The following TSHZ2 variants were observed in gnomAD, a reference collection of about 807,000 sequenced individuals.
The protein encoded by TSHZ2 is teashirt zinc finger homeobox 2.
A neutral mutation model predicts 74.4 loss-of-function variants in TSHZ2; 21 were observed. The observed-to-expected ratio is 0.28, with a 90% CI of 0.20 to 0.41. The LOEUF is 0.41. TSHZ2 is among the 10% of genes least tolerant of loss of function. The probability of loss-of-function intolerance (pLI) is 1.00; values close to 1 mark genes in which losing one functional copy is unlikely to be tolerated. For missense variants in TSHZ2, 1,244 were observed against 1,293.5 expected (o/e 0.96, Z 0.59); for synonymous variants, 540 against 515.3 (o/e 1.05, Z -0.65).
At chr20:53,339,280 G>C (rs372398068) in intron 2 of TSHZ2, among the ~76,000 whole-genome samples, 12 of 152,292 alleles carry the variant, frequency 7.9e-5, no homozygotes, top group African/African-American at 2.9e-4. Context: ...GCCCTATGCA[G>C]GGAGTGGTGG....
chr20:53,044,140 T>G (rs1306063894), intron 1 of TSHZ2, among the ~76,000 whole-genome samples: 2 of 152,228 alleles, frequency 1.3e-5, no homozygotes, highest in African/African-American at 2.4e-5. Flanking sequence ...TTTCTGATTT[T>G]GGATTGTTTC....
chr20:53,156,246 CA>C (rs1278854954), intron 1 of TSHZ2, among the ~76,000 whole-genome samples: 1 of 152,126 alleles, frequency 6.6e-6, no homozygotes, highest in African/African-American at 2.4e-5. Context: ...TGAAGAGGGT[CA>C]GTGAATTTTA....
At chr20:53,206,756 C>G (rs1203053148) in intron 1 of TSHZ2, among the ~76,000 whole-genome samples, 1 of 152,192 alleles carries the variant, frequency 6.6e-6, no homozygotes, top group East Asian at 1.9e-4. Context: ...GAAATCTCTT[C>G]CACTCCAGCT....
At chr20:53,214,385 A>G (rs528262611) in intron 1 of TSHZ2, among the ~76,000 whole-genome samples, 4 of 152,286 alleles carry the variant, frequency 2.6e-5, no homozygotes, top group African/African-American at 9.6e-5. Flanking sequence ...AGGAAAGTGC[A>G]CTTTCCTAAG....
At chr20:53,306,232 A>G (rs1452582476) in intron 2 of TSHZ2, among the ~76,000 whole-genome samples, 2 of 152,132 alleles carry the variant, frequency 1.3e-5, no homozygotes, top group Non-Finnish European at 2.9e-5. Context: ...CACCCAGCTC[A>G]TCTGCTCTTC....
chr20:53,255,307 GAA>G lies in TSHZ2; in HGVS notation c.1851_1852del (p.His620ArgfsTer10). The G allele has an allele frequency of 6.2e-7, 1 of 1,614,156 alleles. No homozygotes were observed. The highest frequency in any genetic ancestry group is 8.5e-7 in the Non-Finnish European group (1 of 1,180,008). ...KDEAVKECGK[E>X]SPHEEASSFS... ...TGAAGCGGTGAAGGAGTGTGGGAAAGAAAGTCCCCACGAAGAGGCCTCATCTT... is the reference window on the plus strand; with the variant it reads ...TGAAGCGGTGAAGGAGTGTGGGAAAGAGTCCCCACGAAGAGGCCTCATCTT... On this transcript the variant is annotated frameshift_variant, in exon 2 of 3. Coordinates refer to ENST00000371497, the MANE Select transcript of TSHZ2 (RefSeq NM_173485.6). LOFTEE classifies it high-confidence loss of function. The surrounding 1 kb of genome is among the most constrained non-coding windows in gnomAD (Gnocchi z 4.1).
chr20:53,103,957 A>G lies in TSHZ2; in HGVS notation c.40+130624A>G, dbSNP rs572973506. Among the ~76,000 whole-genome samples, 5 of 152,338 alleles carry G rather than the reference A, an allele frequency of 3.3e-5. No homozygotes were observed. In the East Asian group the frequency reaches 7.7e-4, roughly 23 times the overall value. The stretch of plus-strand genomic sequence containing the variant: ...ATTTTTAATGTTATGTCAGAGCCCA[A>G]TTGATCTGATGGACTTTTAATGACT... On this transcript the variant is annotated intron_variant, in intron 1 of 2. Coordinates refer to ENST00000371497, the MANE Select transcript of TSHZ2 (RefSeq NM_173485.6).
At chr20:53,454,661 A>G (rs1984977112) in intron 2 of TSHZ2, among the ~76,000 whole-genome samples, 1 of 152,088 alleles carries the variant, frequency 6.6e-6, no homozygotes, top group Non-Finnish European at 1.5e-5. Context: ...ACTCCCTCAG[A>G]GAGGGCTCCC....
intron 2 of TSHZ2, among the ~76,000 whole-genome samples, chr20:53,449,964 C>T (rs1984709150): frequency 6.6e-6 from 1 of 152,236 alleles, no homozygotes; most frequent in South Asian, 2.1e-4. Context: ...TCAGAGACCA[C>T]ATCTAGCTAA....
rs778792026 is a variant in TSHZ2, at chr20:53,256,286, G to A, written c.2828G>A (p.Ser943Asn). 1.2e-6 allele frequency: 2 copies of A among 1,614,120 alleles called. No individual in the cohort carries two copies. The highest frequency in any genetic ancestry group is 3.3e-5 in the Admixed American group (2 of 60,016). The change falls in exon 2 of 3, where the codon AGT becomes AAT. Residue 943 changes from serine to asparagine, a missense_variant. This residue lies in a region of TSHZ2 where 185 missense variants were observed against 213.3 expected (regional missense o/e 0.87). Transcript: ENST00000371497. The surrounding 1 kb of genome is among the most constrained non-coding windows in gnomAD (Gnocchi z 4.3). The stretch of plus-strand genomic sequence containing the variant: ...TTCAGAACCCCTTCTACCTACATCA[G>A]TCACTTAGAATCTCACCTGGGTTTC... ...SQFRTPSTYISHLESHLGFQM... is the reference protein window; with the variant it reads ...SQFRTPSTYINHLESHLGFQM...
intron 1 of TSHZ2, among the ~76,000 whole-genome samples, chr20:53,019,982 A>G (rs1475188731): frequency 1.3e-5 from 2 of 152,148 alleles, no homozygotes; most frequent in South Asian, 2.1e-4. Flanking sequence ...GAAACTTACA[A>G]TCATGGTGGA....
chr20:53,316,922 A>T (rs1350362741), intron 2 of TSHZ2, among the ~76,000 whole-genome samples: 3 of 151,940 alleles, frequency 2.0e-5, no homozygotes, highest in Non-Finnish European at 4.4e-5. Flanking sequence ...ATTTTTTTTT[A>T]ATAACACCCT....
At chr20:53,175,171 T>C (rs13042352) in intron 1 of TSHZ2, among the ~76,000 whole-genome samples, 23,054 of 142,244 alleles carry the variant, frequency 0.16, 2,905 homozygotes, top group Non-Finnish European at 0.25. Flanking sequence ...AACGGAGTTT[T>C]GCTCTTGTTG....
intron 1 of TSHZ2, among the ~76,000 whole-genome samples, chr20:53,002,417 C>A (rs564346239): frequency 6.6e-6 from 1 of 152,250 alleles, no homozygotes; most frequent in Non-Finnish European, 1.5e-5. Flanking sequence ...CATACATTAT[C>A]TTTTTTTCAT....
At chr20:52,974,471 T>A (rs760126855) in intron 1 of TSHZ2, among the ~76,000 whole-genome samples, 13 of 152,304 alleles carry the variant, frequency 8.5e-5, no homozygotes, top group Non-Finnish European at 1.8e-4. Context: ...TGTCCTTTAG[T>A]TGAATCAGGG....
intron 2 of TSHZ2, among the ~76,000 whole-genome samples, chr20:53,280,103 A>G (rs778724415): frequency 9.4e-4 from 143 of 152,060 alleles, no homozygotes; most frequent in Non-Finnish European, 1.5e-3. Flanking sequence ...GGCATTTTTG[A>G]AGATGACTCT....
intron 1 of TSHZ2, among the ~76,000 whole-genome samples, chr20:53,045,578 A>C (rs1984198806): frequency 6.6e-6 from 1 of 152,206 alleles, no homozygotes; most frequent in Non-Finnish European, 1.5e-5. Context: ...CATTCACCTA[A>C]GGAATCAGCT....
At chr20:53,391,457 T>C (rs1982254300) in intron 2 of TSHZ2, among the ~76,000 whole-genome samples, 1 of 151,878 alleles carries the variant, frequency 6.6e-6, no homozygotes, top group Admixed American at 6.6e-5. Flanking sequence ...TTTTTTTGTT[T>C]GTTTGTTTGT....
intron 2 of TSHZ2, among the ~76,000 whole-genome samples, chr20:53,325,311 A>C (rs1808323099): frequency 6.6e-6 from 1 of 152,188 alleles, no homozygotes; most frequent in African/African-American, 2.4e-5. Flanking sequence ...GTATTGATTT[A>C]ACAGGGACTT....
Sources: allele counts gnomAD v4.1 joint callset (sites outside exome capture counted in the v4.1 genomes callset), GRCh38; gene constraint gnomAD v4.1.1; regional missense constraint gnomAD v4.1.1; non-coding constraint Gnocchi (gnomAD v3.1); transcripts MANE v1.5; gene names NCBI Gene and HGNC (gene_info 2026-07-23, HGNC 2026-07-21).